THSD4: variants seen among roughly 807,000 people sequenced by gnomAD.
THSD4 encodes the protein thrombospondin type-1 domain-containing protein 4.
THSD4 carries 69 observed loss-of-function variants against 119.0 expected under a neutral mutation model. That is an observed-to-expected ratio of 0.58 (90% CI 0.48 to 0.71). The LOEUF (loss-of-function observed/expected upper bound fraction) is 0.71, where lower values mean the gene tolerates loss of function less well. Ranked by LOEUF, THSD4 falls within the 30% of genes least tolerant of loss-of-function variation. The pLI, the probability that THSD4 is intolerant of heterozygous loss-of-function variation, is 0.00. For missense variants in THSD4, 1,393 were observed against 1,391.1 expected (o/e 1.00, Z -0.02); for synonymous variants, 524 against 540.4 (o/e 0.97, Z 0.42).
chr15:71,531,715 ATGT>A (rs1198787547), intron 7 of THSD4, among the ~76,000 whole-genome samples: 1 of 152,236 alleles, frequency 6.6e-6, no homozygotes, highest in Non-Finnish European at 1.5e-5. Context: ...CACTCATTAA[ATGT>A]TGTTCTTTTG....
chr15:71,766,045 TG>T (rs2053712263), intron 16 of THSD4, among the ~76,000 whole-genome samples: 1 of 152,188 alleles, frequency 6.6e-6, no homozygotes, highest in East Asian at 1.9e-4. Flanking sequence ...TTTAAAATCT[TG>T]TGGCCCTCTA....
At chr15:71,774,323 A>AAAAAC (rs1567146919) in intron 17 of THSD4, among the ~76,000 whole-genome samples, 2 of 147,736 alleles carry the variant, frequency 1.4e-5, no homozygotes, top group African/African-American at 2.5e-5. Flanking sequence ...AAAAAAAAAA[A>AAAAAC]AAAACTACAA....
intron 3 of THSD4, among the ~76,000 whole-genome samples, chr15:71,157,307 A>G (rs1277928141): frequency 2.0e-5 from 3 of 152,208 alleles, no homozygotes; most frequent in Non-Finnish European, 4.4e-5. Context: ...GAGTTATTTT[A>G]TCATTAAAAT....
At chr15:71,399,664 A>T (rs1455069562) in intron 6 of THSD4, among the ~76,000 whole-genome samples, 2 of 152,192 alleles carry the variant, frequency 1.3e-5, no homozygotes, top group African/African-American at 2.4e-5. Context: ...CAGAAGCATC[A>T]GTTAGAGCAG....
chr15:71,332,359 G>A (rs1457520604), intron 6 of THSD4, among the ~76,000 whole-genome samples: 1 of 152,224 alleles, frequency 6.6e-6, no homozygotes, highest in Non-Finnish European at 1.5e-5. Context: ...ATAAGGATAA[G>A]AGATGAATGT....
intron 7 of THSD4, among the ~76,000 whole-genome samples, chr15:71,414,796 A>G (rs1222618981): frequency 3.3e-5 from 5 of 152,166 alleles, no homozygotes; most frequent in African/African-American, 4.8e-5. Flanking sequence ...TGAAACAGAC[A>G]TTTTCCAGGA....
At chr15:71,258,973 C>T (rs918180453) in intron 6 of THSD4, among the ~76,000 whole-genome samples, 2 of 151,914 alleles carry the variant, frequency 1.3e-5, no homozygotes, top group South Asian at 2.1e-4. Context: ...ATCAGCCTGG[C>T]GTGGTGGTGC....
chr15:71,711,340 A>G (rs1205141600), intron 8 of THSD4, among the ~76,000 whole-genome samples: 1 of 152,066 alleles, frequency 6.6e-6, no homozygotes, highest in Non-Finnish European at 1.5e-5. Context: ...TTGCTTTTAA[A>G]ATTTCTACAT....
At chr15:71,392,060 T>G (rs1392526541) in intron 6 of THSD4, among the ~76,000 whole-genome samples, 1 of 152,162 alleles carries the variant, frequency 6.6e-6, no homozygotes, top group Non-Finnish European at 1.5e-5. Flanking sequence ...CAGAGAAAAT[T>G]AAAAGAACAG....
chr15:71,468,261 T>C (rs12904267), intron 7 of THSD4, among the ~76,000 whole-genome samples: 30,114 of 152,172 alleles, frequency 0.2, 3,337 homozygotes, highest in South Asian at 0.37. Context: ...TGAGGCCTCC[T>C]CGGCCATGTG....
At chr15:71,114,358 C>G (rs927085365), upstream of THSD4, among the ~76,000 whole-genome samples, 1 of 152,104 alleles carries the variant, frequency 6.6e-6, no homozygotes, top group Non-Finnish European at 1.5e-5. Flanking sequence ...ATTGTCCTCT[C>G]GGTATACCTG....
intron 7 of THSD4, among the ~76,000 whole-genome samples, chr15:71,637,431 C>G (rs1455237395): frequency 6.6e-6 from 1 of 152,116 alleles, no homozygotes; most frequent in Non-Finnish European, 1.5e-5. Context: ...GAGCCATGAT[C>G]TCAGTGTCGT....
At chr15:71,148,579 C>A (rs1473552743) in intron 2 of THSD4, among the ~76,000 whole-genome samples, 1 of 152,176 alleles carries the variant, frequency 6.6e-6, no homozygotes, top group Non-Finnish European at 1.5e-5. Context: ...AGAATATCCT[C>A]TGGTGGGACT....
Position 71,337,923 on chromosome 15 carries a change from C to T in THSD4, c.1016-73764C>T, listed in dbSNP as rs545478476. Among the ~76,000 whole-genome samples the T allele has an allele frequency of 2.0e-4, 31 of 152,296 alleles. No homozygotes were observed. The South Asian group carries it at 6.2e-3, about 31-fold the overall frequency. Reference sequence around the variant, plus strand: ...ACTTTCTGGTCCTTCCAGCCTCAGCCGCTTCCCTGTGTAAACTGGTGGAGC... The same window carrying T: ...ACTTTCTGGTCCTTCCAGCCTCAGCTGCTTCCCTGTGTAAACTGGTGGAGC... On this transcript the variant is annotated intron_variant, in intron 6 of 17. Transcript: ENST00000261862.
At chr15:71,365,130 A>AC (rs2045941250) in intron 6 of THSD4, among the ~76,000 whole-genome samples, 6 of 48,366 alleles carry the variant, frequency 1.2e-4, no homozygotes, top group Admixed American at 2.7e-4. Context: ...TGCCCCCCCC[A>AC]TTGTGTGTGT....
intron 8 of THSD4, among the ~76,000 whole-genome samples, chr15:71,673,145 A>G (rs1173222965): frequency 6.6e-6 from 1 of 152,158 alleles, no homozygotes; most frequent in Non-Finnish European, 1.5e-5. Flanking sequence ...GCAGGCTATT[A>G]ATTATTGCCT....
chr15:71,629,329 G>C (rs754269277), intron 7 of THSD4, among the ~76,000 whole-genome samples: 35 of 152,278 alleles, frequency 2.3e-4, no homozygotes, highest in Middle Eastern at 3.4e-3. Context: ...GCCTCATCTA[G>C]GGGGCAGGGC....
chr15:71,129,087 G>A (rs1029101695), intron 1 of THSD4, among the ~76,000 whole-genome samples: 2 of 152,158 alleles, frequency 1.3e-5, no homozygotes, highest in African/African-American at 2.4e-5. Flanking sequence ...GTATCCCAGA[G>A]GCCCAGGCAA....
chr15:71,481,467 T>G (rs1270334599), intron 7 of THSD4, among the ~76,000 whole-genome samples: 1 of 152,244 alleles, frequency 6.6e-6, no homozygotes, highest in Non-Finnish European at 1.5e-5. Flanking sequence ...CAAGGATTTT[T>G]CTAAGTAGCT....
Sources: allele counts gnomAD v4.1 joint callset (sites outside exome capture counted in the v4.1 genomes callset), GRCh38; gene constraint gnomAD v4.1.1; transcripts MANE v1.5; gene names NCBI Gene and HGNC (gene_info 2026-07-23, HGNC 2026-07-21).